The following CDK15 variants were observed in gnomAD, a reference collection of about 807,000 sequenced individuals.
CDK15 encodes cyclin-dependent kinase 15.
CDK15 carries 62 observed loss-of-function variants against 60.3 expected under a neutral mutation model. The observed-to-expected ratio is 1.03, with a 90% confidence interval of 0.84 to 1.27. The LOEUF is 1.27. Ranked by LOEUF, CDK15 falls within the 50% of genes most tolerant of loss-of-function variation. The pLI is 0.00. For synonymous variants in CDK15, 194 were observed against 195.7 expected (o/e 0.99, Z 0.07); for missense variants, 541 against 527.8 (o/e 1.03, Z -0.25).
chr2:201,846,212 G>A (rs190019174), intron 8 of CDK15, among the ~76,000 whole-genome samples: 1 of 152,144 alleles, frequency 6.6e-6, no homozygotes, highest in Admixed American at 6.5e-5. Context: ...GTGCAGAATG[G>A]CCAGGCACAG....
At chr2:201,820,263 A>G (rs1696162955) in intron 4 of CDK15, among the ~76,000 whole-genome samples, 2 of 152,216 alleles carry the variant, frequency 1.3e-5, no homozygotes, top group African/African-American at 4.8e-5. Context: ...AAGCATTCTC[A>G]ACTGATGGTC....
intron 9 of CDK15, among the ~76,000 whole-genome samples, chr2:201,852,861 T>G (rs984215095): frequency 3.9e-5 from 6 of 152,250 alleles, no homozygotes; most frequent in African/African-American, 1.4e-4. Flanking sequence ...CTTAAAGCTT[T>G]GAACATAAGA....
At chr2:201,808,900 GTTTTA>G (rs980826555) in intron 3 of CDK15, 7 of 142,532 alleles carry the variant, frequency 4.9e-5, no homozygotes, top group African/African-American at 1.5e-4. Context: ...GGGACATACA[GTTTTA>G]TTTTATTTTA....
At chr2:201,889,273 A>G in intron 12 of CDK15, 1 of 985,410 alleles carries the variant, frequency 1.0e-6, no homozygotes, top group Non-Finnish European at 1.2e-6. Flanking sequence ...CCCCAGATTT[A>G]TGCAAATTGT....
intron 9 of CDK15, among the ~76,000 whole-genome samples, chr2:201,851,536 C>G (rs1487021898): frequency 6.6e-6 from 1 of 152,140 alleles, no homozygotes; most frequent in East Asian, 1.9e-4. Flanking sequence ...TCATCTCTGT[C>G]CTTGTGTCCT....
intron 10 of CDK15, among the ~76,000 whole-genome samples, chr2:201,866,615 T>A (rs1318169328): frequency 6.6e-6 from 1 of 152,202 alleles, no homozygotes; most frequent in Non-Finnish European, 1.5e-5. Flanking sequence ...TCTAATGATT[T>A]ACTCTTGTCT....
At chr2:201,870,037 C>CAT (rs879424700) in intron 10 of CDK15, among the ~76,000 whole-genome samples, 2 of 152,164 alleles carry the variant, frequency 1.3e-5, no homozygotes, top group Non-Finnish European at 2.9e-5. Context: ...TATAAAATGC[C>CAT]AGCAGAGAGG....
At chr2:201,853,800 G>T (rs1373306162) in intron 9 of CDK15, among the ~76,000 whole-genome samples, 1 of 151,776 alleles carries the variant, frequency 6.6e-6, no homozygotes, top group Non-Finnish European at 1.5e-5. Flanking sequence ...CAAAGTCTGA[G>T]CTGTTTTGGC....
chr2:201,876,672 G>A (rs1699090340), intron 11 of CDK15: 2 of 767,712 alleles, frequency 2.6e-6, no homozygotes. Flanking sequence ...CAACCCTGTG[G>A]GGAGGGTGAG....
At chr2:201,843,638 A>T (rs1196684249) in intron 8 of CDK15, among the ~76,000 whole-genome samples, 1 of 152,146 alleles carries the variant, frequency 6.6e-6, no homozygotes, top group African/African-American at 2.4e-5. Context: ...TACACACACT[A>T]TATACATAGT....
At chr2:201,820,412 T>C (rs1039386776) in intron 4 of CDK15, among the ~76,000 whole-genome samples, 5 of 152,170 alleles carry the variant, frequency 3.3e-5, no homozygotes, top group Admixed American at 3.3e-4. Context: ...GGATACTAAT[T>C]CTAATTTGCC....
chr2:201,837,875 C>A (rs1697197947), intron 8 of CDK15, among the ~76,000 whole-genome samples: 1 of 152,048 alleles, frequency 6.6e-6, no homozygotes. Flanking sequence ...TTAGATCTCC[C>A]AAAGAATTAA....
At chr2:201,878,565 G>T (rs1699164497) in intron 11 of CDK15, among the ~76,000 whole-genome samples, 1 of 152,182 alleles carries the variant, frequency 6.6e-6, no homozygotes, top group Admixed American at 6.5e-5. Context: ...TCAACTTGAG[G>T]ATTTGTCCTT....
intron 2 of CDK15, 47 bp downstream of exon 2, chr2:201,807,690 G>C (rs769740847): frequency 1.3e-5 from 21 of 1,608,832 alleles, no homozygotes; most frequent in Middle Eastern, 1.7e-4. Flanking sequence ...ATGTGAGCTT[G>C]TCTACGGAGG....
intron 11 of CDK15, 58 bp downstream of exon 11, chr2:201,872,384 A>G: frequency 1.3e-6 from 2 of 1,559,788 alleles, no homozygotes; most frequent in South Asian, 1.1e-5. Flanking sequence ...TTGGAGAGAC[A>G]TTTCCCTGGA....
rs140412753 is a variant in CDK15 at position 201,872,343 on chromosome 2, G to GAAGGGATCTTT, written c.1058+32_1058+42dup. 6.3e-7 allele frequency: 1 copy of GAAGGGATCTTT among 1,580,182 alleles called. No individual in the cohort carries two copies. Among genetic ancestry groups the GAAGGGATCTTT allele is most frequent in the South Asian group, 1.1e-5 (1 of 90,760 alleles). On this transcript the variant is annotated intron_variant, in intron 11 of 13. Transcript: ENST00000652192. ...CTGGAACAGGTGAGTACTACCTCAG[G>GAAGGGATCTTT]AAGGGATCTTTAAGGGATCTTTAAG...
chr2:201,869,679 T>A (rs10931977), intron 10 of CDK15, among the ~76,000 whole-genome samples: 8 of 152,144 alleles, frequency 5.3e-5, no homozygotes, highest in African/African-American at 1.9e-4. Context: ...CCCCAACCCA[T>A]GTGCCACAAG....
intron 11 of CDK15, among the ~76,000 whole-genome samples, chr2:201,879,634 C>G (rs1699200844): frequency 6.6e-6 from 1 of 152,208 alleles, no homozygotes; most frequent in African/African-American, 2.4e-5. Flanking sequence ...CCTACCTCAG[C>G]CTCTCAGAGT....
intron 11 of CDK15, among the ~76,000 whole-genome samples, chr2:201,876,195 G>A (rs1699072352): frequency 1.3e-5 from 2 of 152,206 alleles, no homozygotes; most frequent in African/African-American, 4.8e-5. Context: ...GCGGGAGTTA[G>A]AGGTGGTGGC....
Sources: gnomAD v4.1 joint callset for allele counts (sites outside exome capture counted in the v4.1 genomes callset) on GRCh38, gnomAD v4.1.1 for gene constraint, MANE v1.5 for transcripts, NCBI Gene and HGNC (gene_info 2026-07-23, HGNC 2026-07-21) for gene names.